Variants in KNTC1 observed in about 807,000 individuals in gnomAD.
KNTC1 encodes the protein kinetochore associated 1, also known as kinetochore-associated protein 1.
KNTC1 carries 253 observed loss-of-function variants against 314.4 expected under a neutral mutation model. The ratio of observed to expected loss-of-function variants is 0.80; its 90% confidence interval spans 0.73 to 0.89. The LOEUF (loss-of-function observed/expected upper bound fraction) is 0.89, where lower values mean the gene tolerates loss of function less well. Ranked by LOEUF, KNTC1 falls within the 40% of genes least tolerant of loss-of-function variation. KNTC1 has a pLI of 0.00. For synonymous variants in KNTC1, 901 were observed against 901.4 expected (o/e 1.00, Z 0.01); for missense variants, 2,475 against 2,572.9 (o/e 0.96, Z 0.82).
intron 17 of KNTC1, 28 bp from the exon 18 acceptor site, chr12:122,557,572 C>T (rs1334976719): frequency 1.2e-6 from 2 of 1,612,064 alleles, no homozygotes; most frequent in Non-Finnish European, 8.5e-7. Flanking sequence ...ATTAGGTTGC[C>T]TTACTGTGTC....
chr12:122,578,918 A>G (rs1001138968), intron 31 of KNTC1, among the ~76,000 whole-genome samples: 4 of 151,726 alleles, frequency 2.6e-5, no homozygotes, highest in Admixed American at 6.6e-5. Context: ...TTGTCTCCTT[A>G]TGTATTAAGT....
rs756569830 is a variant in KNTC1 at position 122,585,722 on chromosome 12, G to C, written c.3621G>C (p.Gln1207His). ...AAGATGGAATTGTTCTTGAGTCACA[G>C]ATGGTGCTTCCAGTGATTTATGAAC... The part of the protein sequence containing the change: ...FSEDGIVLES[Q>H]MVLPVIYELI... The change falls in exon 37 of 64, where the codon CAG (glutamine) becomes CAC (histidine). Residue 1207 changes from glutamine to histidine, a missense_variant. By Grantham distance (24) the Gln-to-His change is conservative. Transcript: ENST00000333479. 9.9e-6 allele frequency: 16 copies of C among 1,613,762 alleles called. No homozygotes were observed. In the African/African-American group the frequency reaches 1.6e-4, roughly 16 times the overall value.
intron 36 of KNTC1, 39 bp from the exon 37 acceptor site, chr12:122,585,596 CG>C (rs1869148082): frequency 1.2e-6 from 2 of 1,606,132 alleles, no homozygotes; most frequent in East Asian, 4.5e-5. Flanking sequence ...TGTTGTGCAG[CG>C]TACTGAGTTC....
intron 38 of KNTC1, 39 bp downstream of exon 38, chr12:122,586,796 T>C: frequency 3.5e-6 from 2 of 577,326 alleles, no homozygotes; most frequent in Non-Finnish European, 2.5e-6. Context: ...CTATTAATAT[T>C]TATTTATTTA....
At chr12:122,605,641 G>GT (rs1457123638) in intron 51 of KNTC1, among the ~76,000 whole-genome samples, 2 of 152,160 alleles carry the variant, frequency 1.3e-5, no homozygotes, top group Non-Finnish European at 2.9e-5. Context: ...TGCCTCCTGG[G>GT]TGCAAGTGAT....
At chr12:122,621,083 GA>G (rs1874382358) in intron 60 of KNTC1, among the ~76,000 whole-genome samples, 1 of 152,170 alleles carries the variant, frequency 6.6e-6, no homozygotes, top group Non-Finnish European at 1.5e-5. Context: ...AACAAGACAA[GA>G]AGGCTACAAG....
At chr12:122,607,707 A>G (rs1872700180) in intron 51 of KNTC1, among the ~76,000 whole-genome samples, 1 of 152,122 alleles carries the variant, frequency 6.6e-6, no homozygotes, top group Admixed American at 6.5e-5. Flanking sequence ...GGATGATACA[A>G]TATTCCATTC....
At chr12:122,576,507 C>T (rs913451038) in intron 29 of KNTC1, among the ~76,000 whole-genome samples, 2 of 152,082 alleles carry the variant, frequency 1.3e-5, no homozygotes, top group African/African-American at 2.4e-5. Context: ...GGTAAAACTC[C>T]GTCTCTGCTA....
Position 122,536,753 on chromosome 12 carries a change from A to G in KNTC1, c.251-1586A>G, listed in dbSNP as rs970532936. Among the ~76,000 whole-genome samples, 3 of 151,512 alleles carry G rather than the reference A, an allele frequency of 2.0e-5. No individual in the cohort carries two copies. The East Asian group carries it at 5.8e-4, about 30-fold the overall frequency. On this transcript the variant is annotated intron_variant, in intron 3 of 63. Coordinates refer to ENST00000333479, the MANE Select transcript of KNTC1 (RefSeq NM_014708.6). ...GGCTGCTCTCAAATTCCTGACCTCAAATGATCCACCCACCTTGGCCTCCCA... is the reference window on the plus strand; with the variant it reads ...GGCTGCTCTCAAATTCCTGACCTCAGATGATCCACCCACCTTGGCCTCCCA...
At chr12:122,592,673 G>C (rs574851506) in intron 42 of KNTC1, 1 of 152,174 alleles carries the variant, frequency 6.6e-6, no homozygotes, top group Admixed American at 6.5e-5. Flanking sequence ...TGATGGGGAC[G>C]TGGAGAACCT....
intron 37 of KNTC1, among the ~76,000 whole-genome samples, chr12:122,586,324 T>G (rs1461858837): frequency 1.3e-5 from 2 of 152,130 alleles, no homozygotes; most frequent in African/African-American, 2.4e-5. Flanking sequence ...TCAAGTGATC[T>G]GCCCGCCTCA....
intron 35 of KNTC1, 22 bp downstream of exon 35, chr12:122,584,472 G>T (rs374545589): frequency 6.4e-7 from 1 of 1,561,050 alleles, no homozygotes; most frequent in Non-Finnish European, 8.7e-7. Context: ...TATAATATAC[G>T]TAGTTTTATA....
chr12:122,614,486 C>T (rs1291602440), intron 55 of KNTC1, among the ~76,000 whole-genome samples: 2 of 152,068 alleles, frequency 1.3e-5, no homozygotes, highest in Non-Finnish European at 2.9e-5. Context: ...GGGGAGACAT[C>T]CGAGGTGGTG....
chr12:122,530,071 A>G lies in KNTC1; in HGVS notation c.8A>G (p.Asn3Ser), dbSNP rs770102985. 6.8e-6 allele frequency: 11 copies of G among 1,613,500 alleles called. No homozygotes were observed. In the Admixed American group the frequency reaches 1.7e-4, roughly 24 times the overall value. ...GAAGACAGTCTCAGAAACATGTGGAATGATATTGAGCTGCTAACAAATGAT... is the reference window on the plus strand; with the variant it reads ...GAAGACAGTCTCAGAAACATGTGGAGTGATATTGAGCTGCTAACAAATGAT... The part of the protein sequence containing the change: MW[N>S]DIELLTNDDT... The change falls in exon 2 of 64, where the codon AAT becomes AGT. Residue 3 changes from asparagine (N) to serine (S), a missense_variant. By Grantham distance (46) the Asn-to-Ser change is conservative. Transcript: ENST00000333479.
At chr12:122,601,793 G>T in intron 45 of KNTC1, 168 bp downstream of exon 45, 1 of 714,590 alleles carries the variant, frequency 1.4e-6, no homozygotes, top group Non-Finnish European at 1.9e-6. Context: ...AAAAGAAAAA[G>T]ATTTTCATGA....
intron 31 of KNTC1, among the ~76,000 whole-genome samples, chr12:122,578,536 C>A (rs908700086): frequency 6.6e-6 from 1 of 152,088 alleles, no homozygotes. Context: ...GATTCTCCTG[C>A]CTCAGCTGGG....
At position 122,601,641 on chromosome 12, in the gene KNTC1, C is replaced by A; in HGVS notation, c.4653+16C>A. ...TATTAATCAGGTATAACAAATATATCAAAGATGTAAAAATCATCTTTCTGC... is the reference window on the plus strand; with the variant it reads ...TATTAATCAGGTATAACAAATATATAAAAGATGTAAAAATCATCTTTCTGC... On this transcript the variant is annotated intron_variant, in intron 45 of 63. Coordinates refer to ENST00000333479, the MANE Select transcript of KNTC1 (RefSeq NM_014708.6). 6.8e-7 allele frequency: 1 copy of A among 1,463,980 alleles called. No individual in the cohort carries two copies. The highest frequency in any genetic ancestry group is 1.5e-5 in the South Asian group (1 of 68,678). 90.7% of individuals were successfully genotyped at this position (1,463,980 alleles called of 1,614,324 possible).
At chr12:122,557,556 A>G (rs759865437) in intron 17 of KNTC1, 44 bp from the exon 18 acceptor site, 2 of 1,611,958 alleles carry the variant, frequency 1.2e-6, no homozygotes, top group Non-Finnish European at 1.7e-6. Flanking sequence ...TGACGTGTTG[A>G]TCAACATTAG....
intron 16 of KNTC1, among the ~76,000 whole-genome samples, chr12:122,555,525 C>T (rs893301841): frequency 6.6e-6 from 1 of 151,918 alleles, no homozygotes; most frequent in African/African-American, 2.4e-5. Context: ...GCACTCCAGC[C>T]TGGGTGACAG....
Sources: gnomAD v4.1 joint callset for allele counts (sites outside exome capture counted in the v4.1 genomes callset) on GRCh38, gnomAD v4.1.1 for gene constraint, MANE v1.5 for transcripts, NCBI Gene and HGNC (gene_info 2026-07-23, HGNC 2026-07-21) for gene names.